The following PLCB1 variants were observed in gnomAD, a reference collection of about 807,000 sequenced individuals.
PLCB1 encodes 1-phosphatidylinositol 4,5-bisphosphate phosphodiesterase beta-1.
Under a neutral mutation model 161.8 loss-of-function variants are expected in PLCB1, and 46 were observed. The observed-to-expected ratio is 0.28, with a 90% CI of 0.22 to 0.36. The LOEUF is 0.36. PLCB1 is among the 10% of genes least tolerant of loss of function. The pLI, the probability that PLCB1 is intolerant of heterozygous loss-of-function variation, is 1.00. For missense variants in PLCB1, 1,016 were observed against 1,472.5 expected (o/e 0.69, Z 5.07); for synonymous variants, 517 against 503.7 (o/e 1.03, Z -0.35).
chr20:8,716,738 C>T (rs1195695990), intron 13 of PLCB1, among the ~76,000 whole-genome samples: 1 of 152,212 alleles, frequency 6.6e-6, no homozygotes, highest in Non-Finnish European at 1.5e-5. Flanking sequence ...TCTTCTTGGC[C>T]TGTCCCTGCT....
chr20:8,443,632 T>A (rs1036872551), intron 3 of PLCB1, among the ~76,000 whole-genome samples: 2 of 152,206 alleles, frequency 1.3e-5, no homozygotes, highest in African/African-American at 4.8e-5. Context: ...GACTTCAGTC[T>A]GAGTTTCACC....
intron 2 of PLCB1, among the ~76,000 whole-genome samples, chr20:8,222,481 A>G (rs1374905083): frequency 2.6e-5 from 4 of 152,024 alleles, no homozygotes; most frequent in South Asian, 2.1e-4. Flanking sequence ...ATTTTGTATT[A>G]CTCTAGTGGC....
At chr20:8,203,326 A>G (rs183228774) in intron 2 of PLCB1, among the ~76,000 whole-genome samples, 54 of 152,222 alleles carry the variant, frequency 3.5e-4, no homozygotes, top group African/African-American at 1.2e-3. Flanking sequence ...GGAAGGGTCT[A>G]GCTTGTGTGA....
chr20:8,648,895 C>A (rs1471252869), intron 6 of PLCB1, among the ~76,000 whole-genome samples: 1 of 149,880 alleles, frequency 6.7e-6, no homozygotes, highest in East Asian at 2.0e-4. Context: ...AAGCTGGGAT[C>A]ATGCCACTGC....
intron 3 of PLCB1, among the ~76,000 whole-genome samples, chr20:8,403,143 G>A (rs771476033): frequency 6.6e-6 from 1 of 152,188 alleles, no homozygotes; most frequent in East Asian, 1.9e-4. Context: ...ATCACTGTGT[G>A]AAGTCCCAAA....
intron 3 of PLCB1, among the ~76,000 whole-genome samples, chr20:8,484,665 A>C (rs1982648233): frequency 6.6e-6 from 1 of 152,076 alleles, no homozygotes; most frequent in Admixed American, 6.5e-5. Flanking sequence ...CTTTCTTGTC[A>C]TGTGTCTCTT....
intron 25 of PLCB1, among the ~76,000 whole-genome samples, chr20:8,761,253 A>T (rs1291980947): frequency 6.6e-6 from 1 of 152,140 alleles, no homozygotes; most frequent in African/African-American, 2.4e-5. Context: ...CAAAGACAAA[A>T]CTAATCTGTG....
At chr20:8,419,645 T>C (rs1292257430) in intron 3 of PLCB1, among the ~76,000 whole-genome samples, 1 of 152,172 alleles carries the variant, frequency 6.6e-6, no homozygotes, top group East Asian at 1.9e-4. Context: ...CAGACTAAGA[T>C]ACGATGCTCA....
chr20:8,812,074 A>G (rs527336387), intron 31 of PLCB1, among the ~76,000 whole-genome samples: 1 of 152,264 alleles, frequency 6.6e-6, no homozygotes, highest in South Asian at 2.1e-4. Context: ...CAAATTTTTC[A>G]AATTCCTTTA....
In PLCB1 at chr20:8,419,263, A is replaced by G. The variant is rs141636527; in HGVS notation, c.246+47813A>G. On this transcript the variant is annotated intron_variant, in intron 3 of 31. Transcript: ENST00000338037. ...TTAACAGCTTTTATAATACTTTTATAGGGGATTTACATTTGTTATGGGAAT... is the reference window on the plus strand; with the variant it reads ...TTAACAGCTTTTATAATACTTTTATGGGGGATTTACATTTGTTATGGGAAT... Among the ~76,000 whole-genome samples the G allele has an allele frequency of 2.5e-3, 378 of 152,276 alleles. 2 individuals carry two copies. The highest frequency in any genetic ancestry group is 4.2e-3 in the Admixed American group (64 of 15,294).
intron 2 of PLCB1, 134 bp downstream of exon 2, chr20:8,150,505 G>C: frequency 2.1e-6 from 1 of 470,862 alleles, no homozygotes; most frequent in Non-Finnish European, 3.8e-6. Context: ...TACTTTTAAA[G>C]AATATCTAAG....
chr20:8,434,956 A>G (rs1453037415), intron 3 of PLCB1, among the ~76,000 whole-genome samples: 1 of 152,236 alleles, frequency 6.6e-6, no homozygotes, highest in Non-Finnish European at 1.5e-5. Context: ...ATGCACGTAG[A>G]CAATCACACA....
intron 10 of PLCB1, among the ~76,000 whole-genome samples, chr20:8,693,731 T>C (rs1174045161): frequency 6.6e-6 from 1 of 152,214 alleles, no homozygotes; most frequent in Non-Finnish European, 1.5e-5. Context: ...TTTGTGTTAA[T>C]GGAGGAATTG....
At chr20:8,730,400 T>C (rs1193313752) in intron 18 of PLCB1, among the ~76,000 whole-genome samples, 2 of 151,888 alleles carry the variant, frequency 1.3e-5, no homozygotes, top group East Asian at 1.9e-4. Context: ...TTCATTGTTG[T>C]TGTTAATTCA....
At chr20:8,743,503 C>T (rs1980991581) in intron 23 of PLCB1, among the ~76,000 whole-genome samples, 1 of 152,092 alleles carries the variant, frequency 6.6e-6, no homozygotes, top group Non-Finnish European at 1.5e-5. Flanking sequence ...CAGTCTGAGA[C>T]TGGAGTTTGC....
chr20:8,585,718 C>T (rs988983185), intron 3 of PLCB1, among the ~76,000 whole-genome samples: 5 of 152,170 alleles, frequency 3.3e-5, no homozygotes, highest in African/African-American at 9.7e-5. Flanking sequence ...TGCTAATGAG[C>T]TTCTTTAGCA....
intron 3 of PLCB1, among the ~76,000 whole-genome samples, chr20:8,589,711 G>A (rs1222150976): frequency 6.7e-6 from 1 of 150,332 alleles, no homozygotes. Context: ...AACCTTCTGG[G>A]CTCAAGCAAT....
intron 3 of PLCB1, among the ~76,000 whole-genome samples, chr20:8,605,276 T>C (rs1987722323): frequency 2.6e-5 from 4 of 152,086 alleles, no homozygotes; most frequent in Admixed American, 2.6e-4. Context: ...AAACCTATTT[T>C]CCCTTACCAT....
chr20:8,756,168 C>A (rs1981726469), intron 23 of PLCB1, among the ~76,000 whole-genome samples: 1 of 152,072 alleles, frequency 6.6e-6, no homozygotes, highest in African/African-American at 2.4e-5. Flanking sequence ...ATTTAACATC[C>A]ACATATTTAC....
Sources: gnomAD v4.1 joint callset for allele counts (sites outside exome capture counted in the v4.1 genomes callset) on GRCh38, gnomAD v4.1.1 for gene constraint, MANE v1.5 for transcripts, NCBI Gene and HGNC (gene_info 2026-07-23, HGNC 2026-07-21) for gene names.